STAT1: variants seen among roughly 807,000 people sequenced by gnomAD.
The protein encoded by STAT1 is signal transducer and activator of transcription 1-alpha/beta.
A neutral mutation model predicts 111.7 loss-of-function variants in STAT1; 24 were observed. The observed-to-expected ratio is 0.21, with a 90% confidence interval of 0.16 to 0.30. STAT1 has a LOEUF of 0.30. Ranked by LOEUF, STAT1 falls within the 10% of genes least tolerant of loss-of-function variation. STAT1 has a pLI of 1.00. For synonymous variants in STAT1, 332 were observed against 326.5 expected, an observed-to-expected ratio of 1.02 and a Z score of -0.18; for missense variants, 351 against 911.9, an observed-to-expected ratio of 0.38 and a Z score of 7.92.
rs1692878948 is a variant in STAT1, at chr2:190,986,928, A to G, written c.1147T>C (p.Leu383=). 1 of 1,614,222 alleles carries G rather than the reference A, an allele frequency of 6.2e-7. No homozygotes were observed. The highest frequency in any genetic ancestry group is 8.5e-7 in the Non-Finnish European group (1 of 1,180,038). The change falls in exon 14 of 25, where the codon TTG becomes CTG. Residue 383 remains leucine, a synonymous_variant. Transcript: ENST00000361099. This position sits in a 1 kb window ranked among gnomAD's most constrained non-coding sequence, Gnocchi z 5.0. The stretch of plus-strand genomic sequence containing the variant: ...TTCATCACTTTTGTGTGCGTGCCCA[A>G]AATGTTGAACTTCCTAAATCTATAC... ...TVKGFRKFNI[L]GTHTKVMNME...
Position 190,975,484 on chromosome 2 carries a change from T to C in STAT1, c.2135+328A>G. On this transcript the variant is annotated intron_variant, in intron 23 of 24. Transcript: ENST00000361099. This position sits in a 1 kb window ranked among gnomAD's most constrained non-coding sequence, Gnocchi z 5.9. ...TCAAAGCAAGTGGAGACAGTGTATC[T>C]CAATCATTACTTTGGCCTTTTCTAG... 2 of 1,046,266 alleles carry C rather than the reference T, an allele frequency of 1.9e-6. No individual in the cohort carries two copies. The highest frequency in any genetic ancestry group is 2.7e-6 in the Non-Finnish European group (2 of 741,502). The allele number at this position is 1,046,266 out of a possible 1,614,324, so 64.8% of individuals were successfully genotyped here. A position where few individuals can be genotyped will look rare whatever the true frequency, so the allele number is the denominator to read the frequency against.
chr2:190,976,355 T>G lies in STAT1; in HGVS notation c.2060-468A>C, dbSNP rs1299881960. 6.6e-6 allele frequency among the ~76,000 whole-genome samples: 1 copy of G among 152,212 alleles called. No individual in the cohort carries two copies. The highest frequency in any genetic ancestry group is 1.5e-5 in the Non-Finnish European group (1 of 68,036). ...AACAAAACAGGTCTAATTCGAACCTTCTCAAATGCAATTCATTGACAACTG... is the reference window on the plus strand; with the variant it reads ...AACAAAACAGGTCTAATTCGAACCTGCTCAAATGCAATTCATTGACAACTG... On this transcript the variant is annotated intron_variant, in intron 22 of 24. Transcript: ENST00000361099. This position sits in a 1 kb window ranked among gnomAD's most constrained non-coding sequence, Gnocchi z 6.0.
chr2:190,991,701 G>T (rs12475993), intron 10 of STAT1, among the ~76,000 whole-genome samples: 25,154 of 122,812 alleles, frequency 0.2, 3,061 homozygotes, highest in African/African-American at 0.42. Flanking sequence ...TTTACAATTT[G>T]TTTTTTTTTT....
In STAT1 at chr2:190,998,450, C is replaced by A. The variant is rs1341790160; in HGVS notation, c.542-142G>T. ...TTGGCTTTCTTCGATCTTTAATGAA[C>A]ATGAAAAAAAGTCCTAAGTATAACA... On this transcript the variant is annotated intron_variant, in intron 7 of 24. Coordinates refer to ENST00000361099, the MANE Select transcript of STAT1 (RefSeq NM_007315.4). The surrounding 1 kb of genome is among the most constrained non-coding windows in gnomAD (Gnocchi z 4.1). The A allele has an allele frequency of 7.0e-6, 5 of 714,486 alleles. No individual in the cohort carries two copies. The highest frequency in any genetic ancestry group is 1.8e-5 in the African/African-American group (1 of 55,978). 44.3% of individuals were successfully genotyped at this position (714,486 alleles called of 1,614,324 possible).
At position 190,978,749 on chromosome 2, in the gene STAT1, G is replaced by A; in HGVS notation, c.1873+107C>T. 6.9e-7 allele frequency: 1 copy of A among 1,443,538 alleles called. No individual in the cohort carries two copies. The highest frequency in any genetic ancestry group is 9.5e-7 in the Non-Finnish European group (1 of 1,054,238). 89.4% of individuals were successfully genotyped at this position (1,443,538 alleles called of 1,614,324 possible). ...CTCATTTGGGGTAAGTATAAGATCTGCAATTTCATGTCCCAAACGCACTAT... is the reference window on the plus strand; with the variant it reads ...CTCATTTGGGGTAAGTATAAGATCTACAATTTCATGTCCCAAACGCACTAT... On this transcript the variant is annotated intron_variant, in intron 21 of 24. Coordinates refer to ENST00000361099, the MANE Select transcript of STAT1 (RefSeq NM_007315.4). The surrounding 1 kb of genome is among the most constrained non-coding windows in gnomAD (Gnocchi z 6.1).
In STAT1 at chr2:190,969,704, A is replaced by C. The variant is rs1691309203; in HGVS notation, c.*999T>G. ...TTTGAAATGATCTGATTCTCATATT[A>C]TCTCTGGTGTATTATTCAAGTTGTC... On this transcript the variant is annotated 3_prime_UTR_variant, in exon 25 of 25. Coordinates refer to ENST00000361099, the MANE Select transcript of STAT1 (RefSeq NM_007315.4). The C allele has an allele frequency of 6.6e-6, 1 of 152,186 alleles. No individual in the cohort carries two copies. The highest frequency in any genetic ancestry group is 1.9e-4 in the East Asian group (1 of 5,204). 9.4% of individuals were successfully genotyped at this position (152,186 alleles called of 1,614,324 possible).
In STAT1 at chr2:191,007,845, C is replaced by T. The variant is rs955891317; in HGVS notation, c.274-184G>A. 1.3e-5 allele frequency among the ~76,000 whole-genome samples: 2 copies of T among 152,110 alleles called. No homozygotes were observed. The highest frequency in any genetic ancestry group is 2.9e-5 in the Non-Finnish European group (2 of 68,020). On this transcript the variant is annotated intron_variant, in intron 4 of 24. Transcript: ENST00000361099. This position sits in a 1 kb window ranked among gnomAD's most constrained non-coding sequence, Gnocchi z 4.2. ...CTTTCACGAATTATGACAAAAATTGCTTTAACTTTCTAAGTGCAGGTACCT... is the reference window on the plus strand; with the variant it reads ...CTTTCACGAATTATGACAAAAATTGTTTTAACTTTCTAAGTGCAGGTACCT...
intron 2 of STAT1, 149 bp from the exon 3 acceptor site, chr2:191,010,153 A>G (rs1695013269): frequency 2.0e-6 from 2 of 1,022,250 alleles, no homozygotes. Context: ...AATGGCATTT[A>G]TAGTCTAAAG....
chr2:190,998,077 A>T lies in STAT1; in HGVS notation c.634-70T>A. The stretch of plus-strand genomic sequence containing the variant: ...TCACTGAATTTTAAAATATTTTTTA[A>T]AAGAAAAGCAAATATCATTTCATTC... On this transcript the variant is annotated intron_variant, in intron 8 of 24. Transcript: ENST00000361099. The surrounding 1 kb of genome is among the most constrained non-coding windows in gnomAD (Gnocchi z 4.1). 2 of 1,582,366 alleles carry T rather than the reference A, an allele frequency of 1.3e-6. No homozygotes were observed. Among genetic ancestry groups the T allele is most frequent in the South Asian group, 1.1e-5 (1 of 88,712 alleles).
At chr2:191,008,736 G>A (rs918957247) in intron 4 of STAT1, among the ~76,000 whole-genome samples, 1 of 152,096 alleles carries the variant, frequency 6.6e-6, no homozygotes, top group African/African-American at 2.4e-5. Context: ...ATACCTAAGA[G>A]GTGATACATT....
Position 190,974,724 on chromosome 2 carries a change from C to T in STAT1, c.2238+106G>A, listed in dbSNP as rs1691767846. On this transcript the variant is annotated intron_variant, in intron 24 of 24. Coordinates refer to ENST00000361099, the MANE Select transcript of STAT1 (RefSeq NM_007315.4). This position sits in a 1 kb window ranked among gnomAD's most constrained non-coding sequence, Gnocchi z 4.8. ...AGCACTGCACTCTCCTTGGCTCCGC[C>T]AGGGCTCCCTCCCGCAGACAGGCCC... 1 of 1,028,892 alleles carries T rather than the reference C, an allele frequency of 9.7e-7. No homozygotes were observed. The highest frequency in any genetic ancestry group is 1.5e-6 in the Non-Finnish European group (1 of 659,212). The allele number at this position is 1,028,892 out of a possible 1,614,324, so 63.7% of individuals were successfully genotyped here. A position where few individuals can be genotyped will look rare whatever the true frequency, so the allele number is the denominator to read the frequency against.
In STAT1 at chr2:190,974,069, T is replaced by G. The variant is rs1339359584; in HGVS notation, c.2238+761A>C. Among the ~76,000 whole-genome samples the G allele has an allele frequency of 6.6e-6, 1 of 152,194 alleles. No individual in the cohort carries two copies. Among genetic ancestry groups the G allele is most frequent in the Non-Finnish European group, 1.5e-5 (1 of 68,034 alleles). ...TTTTTGGAAGCATTAAATAAATTTT[T>G]AAAAATGAGCTGGAATAGCTCCATG... is the stretch of plus-strand genomic sequence containing the variant. On this transcript the variant is annotated intron_variant, in intron 24 of 24. Coordinates refer to ENST00000361099, the MANE Select transcript of STAT1 (RefSeq NM_007315.4). This position sits in a 1 kb window ranked among gnomAD's most constrained non-coding sequence, Gnocchi z 4.8.
Position 190,986,757 on chromosome 2 carries a change from G to C in STAT1, c.1221+97C>G. 8.5e-7 allele frequency: 1 copy of C among 1,178,972 alleles called. No homozygotes were observed. Among genetic ancestry groups the C allele is most frequent in the South Asian group, 1.2e-5 (1 of 81,862 alleles). The allele number at this position is 1,178,972 out of a possible 1,614,324, so 73.0% of individuals were successfully genotyped here. The stretch of plus-strand genomic sequence containing the variant: ...CAAAGTCTACAAACCCCAGCAGGGG[G>C]GCGTCCTCCACATGGCAATGTGCCA... On this transcript the variant is annotated intron_variant, in intron 14 of 24. Transcript: ENST00000361099. This position sits in a 1 kb window ranked among gnomAD's most constrained non-coding sequence, Gnocchi z 5.0.
chr2:190,987,150 A>G lies in STAT1; in HGVS notation c.1098-82T>C, dbSNP rs534444496. On this transcript the variant is annotated intron_variant, in intron 12 of 24. Transcript: ENST00000361099. This position sits in a 1 kb window ranked among gnomAD's most constrained non-coding sequence, Gnocchi z 4.0. ...AACAAAATTATAAGAGTATAAGAGCATAAGAGTGTAAGTGAATGATGAATA... is the reference window on the plus strand; with the variant it reads ...AACAAAATTATAAGAGTATAAGAGCGTAAGAGTGTAAGTGAATGATGAATA... 6.7e-6 allele frequency: 7 copies of G among 1,050,550 alleles called. 1 individual carries two copies. The highest frequency in any genetic ancestry group is 6.6e-5 in the South Asian group (5 of 75,500). 65.1% of individuals were successfully genotyped at this position (1,050,550 alleles called of 1,614,324 possible).
rs1692462371 is a variant in STAT1 at position 190,982,462 on chromosome 2, C to A, written c.1503G>T (p.Val501=). Residue 501 remains valine, a synonymous_variant, in exon 18 of 25, where the codon GTG becomes GTT. Coordinates refer to ENST00000361099, the MANE Select transcript of STAT1 (RefSeq NM_007315.4). This position sits in a 1 kb window ranked among gnomAD's most constrained non-coding sequence, Gnocchi z 7.3. ...PCARWAQLSE[V]LSWQFSSVTK... Reference sequence around the variant, plus strand: ...TGACAGAAGAAAACTGCCAACTCAGCACTTCTGAAAGCTGAGCCCATCGTG... The same window carrying A: ...TGACAGAAGAAAACTGCCAACTCAGAACTTCTGAAAGCTGAGCCCATCGTG... 1 of 1,614,174 alleles carries A rather than the reference C, an allele frequency of 6.2e-7. No individual in the cohort carries two copies. Among genetic ancestry groups the A allele is most frequent in the Non-Finnish European group, 8.5e-7 (1 of 1,180,024 alleles).
chr2:190,974,041 T>C lies in STAT1; in HGVS notation c.2238+789A>G, dbSNP rs45442800. The stretch of plus-strand genomic sequence containing the variant: ...AAGAAAGGCCAGTAATAACTCAGGA[T>C]ATTTTTTGGAAGCATTAAATAAATT... On this transcript the variant is annotated intron_variant, in intron 24 of 24. Coordinates refer to ENST00000361099, the MANE Select transcript of STAT1 (RefSeq NM_007315.4). The surrounding 1 kb of genome is among the most constrained non-coding windows in gnomAD (Gnocchi z 4.8). Among the ~76,000 whole-genome samples the C allele has an allele frequency of 8.5e-3, 1,295 of 152,334 alleles. 5 individuals are homozygous for C. Among genetic ancestry groups the C allele is most frequent in the Non-Finnish European group, 0.014 (919 of 68,032 alleles).
Position 190,984,483 on chromosome 2 carries a change from A to C in STAT1, c.1264-90T>G. On this transcript the variant is annotated intron_variant, in intron 15 of 24. Coordinates refer to ENST00000361099, the MANE Select transcript of STAT1 (RefSeq NM_007315.4). The surrounding 1 kb of genome is among the most constrained non-coding windows in gnomAD (Gnocchi z 5.2). The stretch of plus-strand genomic sequence containing the variant: ...CCCAATTAACATTGCAACAGGCCAC[A>C]GAGATCCTGGGCCCAATCAGTGGCA... 1.8e-6 allele frequency: 2 copies of C among 1,108,440 alleles called. No individual in the cohort carries two copies. The highest frequency in any genetic ancestry group is 3.1e-5 in the African/African-American group (2 of 65,208). 68.7% of individuals were successfully genotyped at this position (1,108,440 alleles called of 1,614,324 possible).
Position 190,975,698 on chromosome 2 carries a change from A to T in STAT1, c.2135+114T>A, listed in dbSNP as rs1410817426. On this transcript the variant is annotated intron_variant, in intron 23 of 24. Coordinates refer to ENST00000361099, the MANE Select transcript of STAT1 (RefSeq NM_007315.4). This position sits in a 1 kb window ranked among gnomAD's most constrained non-coding sequence, Gnocchi z 5.9. ...GGGGATCTCAACAAGTTCAGCTGTG[A>T]TGGCGATAGCAATTACAATGGAAAA... 1 of 1,544,728 alleles carries T rather than the reference A, an allele frequency of 6.5e-7. No homozygotes were observed. Among genetic ancestry groups the T allele is most frequent in the African/African-American group, 1.4e-5 (1 of 72,764 alleles).
At chr2:190,994,873 G>A (rs1281328039) in intron 10 of STAT1, among the ~76,000 whole-genome samples, 188 bp downstream of exon 10, 4 of 140,504 alleles carry the variant, frequency 2.8e-5, no homozygotes, top group Admixed American at 7.4e-5. Flanking sequence ...CCAAGATCAC[G>A]CCACTGCACT....
Sources: gnomAD v4.1 joint callset for allele counts (sites outside exome capture counted in the v4.1 genomes callset) on GRCh38, gnomAD v4.1.1 for gene constraint, Gnocchi (gnomAD v3.1) non-coding constraint, MANE v1.5 for transcripts, NCBI Gene and HGNC (gene_info 2026-07-23, HGNC 2026-07-21) for gene names.